Variants in PLEKHG2 observed in about 807,000 individuals in gnomAD.
PLEKHG2 encodes the protein pleckstrin homology domain-containing family G member 2.
In PLEKHG2, 71 loss-of-function variants were observed where a neutral mutation model predicts 104.4. That is an observed-to-expected ratio of 0.68 (90% CI 0.56 to 0.83). PLEKHG2 has a LOEUF of 0.83. PLEKHG2 is among the 40% of genes least tolerant of loss of function. The pLI, the probability that PLEKHG2 is intolerant of heterozygous loss-of-function variation, is 0.00. For synonymous variants in PLEKHG2, 728 were observed against 737.0 expected (o/e 0.99, Z 0.20); for missense variants, 1,730 against 1,809.4 (o/e 0.96, Z 0.80).
At position 39,413,851 on chromosome 19, in the gene PLEKHG2, C is replaced by T. The variant is rs2078558650; in HGVS notation, c.-22-214C>T. On this transcript the variant is annotated intron_variant, in intron 1 of 18. Coordinates refer to ENST00000425673, the MANE Select transcript of PLEKHG2 (RefSeq NM_022835.3). This position sits in a 1 kb window ranked among gnomAD's most constrained non-coding sequence, Gnocchi z 4.5. ...CGCAGCTTCTGCGCCTCCTGCTCCG[C>T]TCACTCTTCTTTGTCTCAGCCTTTC... is the stretch of plus-strand genomic sequence containing the variant. 1 of 387,812 alleles carries T rather than the reference C, an allele frequency of 2.6e-6. No homozygotes were observed. Among genetic ancestry groups the T allele is most frequent in the South Asian group, 3.0e-5 (1 of 33,212 alleles). 24.0% of individuals were successfully genotyped at this position (387,812 alleles called of 1,614,324 possible). A position where few individuals can be genotyped will look rare whatever the true frequency, so the allele number is the denominator to read the frequency against.
intron 11 of PLEKHG2, 80 bp from the exon 12 acceptor site, chr19:39,420,546 C>T: frequency 1.3e-6 from 2 of 1,583,268 alleles, no homozygotes; most frequent in Non-Finnish European, 1.7e-6. Context: ...CATTAATGGG[C>T]ATGACTACGG....
rs1429162441 is a variant in PLEKHG2 at position 39,418,783 on chromosome 19, A to G, written c.1133A>G (p.Lys378Arg). 1.9e-6 allele frequency: 3 copies of G among 1,613,000 alleles called. No homozygotes were observed. Among genetic ancestry groups the G allele is most frequent in the Non-Finnish European group, 2.5e-6 (3 of 1,179,332 alleles). ...AGTCCCCGAGACCCTCTAGGGTTCA[A>G]GGTGTCTGATCTGACCATTCCCAAG... ...SESPRDPLGF[K>R]VSDLTIPKHR... Residue 378 changes from lysine (K) to arginine (R), a missense_variant, in exon 10 of 19, where the codon AAG becomes AGG. Physicochemically the swap from Lys to Arg is conservative, Grantham distance 26. Coordinates refer to ENST00000425673, the MANE Select transcript of PLEKHG2 (RefSeq NM_022835.3).
At chr19:39,417,503 C>T (rs1382271412) in intron 7 of PLEKHG2, 52 bp from the exon 8 acceptor site, 4 of 1,594,616 alleles carry the variant, frequency 2.5e-6, no homozygotes, top group Non-Finnish European at 3.4e-6. Context: ...CATTCTCTTT[C>T]TCCTTCTCTG....
Position 39,415,563 on chromosome 19 carries a change from G to T in PLEKHG2, c.479+124G>T, listed in dbSNP as rs944848635. 1.8e-6 allele frequency: 2 copies of T among 1,106,674 alleles called. No individual in the cohort carries two copies. The highest frequency in any genetic ancestry group is 1.5e-5 in the South Asian group (1 of 66,568). 68.6% of individuals were successfully genotyped at this position (1,106,674 alleles called of 1,614,324 possible). A position where few individuals can be genotyped will look rare whatever the true frequency, so the allele number is the denominator to read the frequency against. On this transcript the variant is annotated intron_variant, in intron 4 of 18. Coordinates refer to ENST00000425673, the MANE Select transcript of PLEKHG2 (RefSeq NM_022835.3). This position sits in a 1 kb window ranked among gnomAD's most constrained non-coding sequence, Gnocchi z 4.6. ...ACGTGGGGTTGTGACATTGGGCAAG[G>T]ATCAGGGATCACGACTGGGAGGGAG...
rs560276949 is a variant in PLEKHG2 at position 39,415,770 on chromosome 19, C to T, written c.479+331C>T. Among the ~76,000 whole-genome samples, 8 of 152,118 alleles carry T rather than the reference C, an allele frequency of 5.3e-5. No homozygotes were observed. The highest frequency in any genetic ancestry group is 1.0e-4 in the Non-Finnish European group (7 of 68,018). On this transcript the variant is annotated intron_variant, in intron 4 of 18. Coordinates refer to ENST00000425673, the MANE Select transcript of PLEKHG2 (RefSeq NM_022835.3). The surrounding 1 kb of genome is among the most constrained non-coding windows in gnomAD (Gnocchi z 4.6). ...AAGCCCAAACACTGGGACAGGGTCC[C>T]GGCATCAGGACGAGTCCTTGGGGCT...
rs1375084360 is a variant in PLEKHG2, at chr19:39,413,227, T to C, written c.-208T>C. 1.3e-5 allele frequency: 2 copies of C among 152,178 alleles called. No homozygotes were observed. Among genetic ancestry groups the C allele is most frequent in the East Asian group, 3.9e-4 (2 of 5,182 alleles). The allele number at this position is 152,178 out of a possible 1,614,324, so 9.4% of individuals were successfully genotyped here. On this transcript the variant is annotated 5_prime_UTR_variant, in exon 1 of 19. Transcript: ENST00000425673. This position sits in a 1 kb window ranked among gnomAD's most constrained non-coding sequence, Gnocchi z 4.5. ...CAGAGTCGAGGCTCCTAGCATCCCC[T>C]ACGTAGAACACTGAGAAATTCCGAC...
In PLEKHG2 at chr19:39,425,655, C is replaced by G; in HGVS notation, c.*361C>G. The G allele has an allele frequency of 2.6e-6, 1 of 381,788 alleles. No individual in the cohort carries two copies. Among genetic ancestry groups the G allele is most frequent in the Non-Finnish European group, 4.6e-6 (1 of 216,256 alleles). The allele number at this position is 381,788 out of a possible 1,614,324, so 23.7% of individuals were successfully genotyped here. A position where few individuals can be genotyped will look rare whatever the true frequency, so the allele number is the denominator to read the frequency against. ...TGAGAATTATTGGAAAATGGACCCA[C>G]TATAACTTGGCGTGTGTGTGAACTG... is the stretch of plus-strand genomic sequence containing the variant. On this transcript the variant is annotated 3_prime_UTR_variant, in exon 19 of 19. Coordinates refer to ENST00000425673, the MANE Select transcript of PLEKHG2 (RefSeq NM_022835.3).
chr19:39,417,529 C>T, intron 7 of PLEKHG2, 26 bp from the exon 8 acceptor site: 6 of 1,611,966 alleles, frequency 3.7e-6, no homozygotes, highest in Middle Eastern at 1.7e-4. Context: ...CTCCCCATCC[C>T]TGCGTGCCTG....
rs777528252 is a variant in PLEKHG2, at chr19:39,422,988, C to T, written c.1934C>T (p.Pro645Leu). 1.9e-6 allele frequency: 3 copies of T among 1,614,220 alleles called. No individual in the cohort carries two copies. In the South Asian group the frequency reaches 3.3e-5, roughly 18 times the overall value. The change falls in exon 18 of 19, where the codon CCC becomes CTC. Residue 645 changes from proline to leucine, a missense_variant. Transcript: ENST00000425673. ...GACGTGCCCAACCTTCCTGAAATTC[C>T]CAGCCGCTGTGAAATTCCCGAAGGT... ...IPDVPNLPEI[P>L]SRCEIPEGSR... is the part of the protein sequence containing the mutation.
At chr19:39,421,981 C>T (rs1057149280) in intron 16 of PLEKHG2, 134 bp from the exon 17 acceptor site, 20 of 908,378 alleles carry the variant, frequency 2.2e-5, no homozygotes, top group Non-Finnish European at 3.1e-6. Flanking sequence ...GGCGCCATTG[C>T]ACTGCAGGCT....
At position 39,416,411 on chromosome 19, in the gene PLEKHG2, G is replaced by A. The variant is rs2078604695; in HGVS notation, c.543G>A (p.Gln181=). ...GGGGTATTGCCGAGTGCTTCGTGCA[G>A]AGGGTGAGTGGAGGGGTGGGGGGCT... ...SAGGIAECFV[Q]RSEDFDIYTL... is the part of the protein sequence containing the mutation. The change falls in exon 5 of 19, where the codon CAG becomes CAA. Residue 181 remains glutamine (Q), a synonymous_variant. Transcript: ENST00000425673. The surrounding 1 kb of genome is among the most constrained non-coding windows in gnomAD (Gnocchi z 4.5). The A allele has an allele frequency of 5.0e-6, 8 of 1,613,320 alleles. No individual in the cohort carries two copies. The highest frequency in any genetic ancestry group is 6.8e-6 in the Non-Finnish European group (8 of 1,179,796).
Position 39,424,159 on chromosome 19 carries a change from G to C in PLEKHG2, c.3026G>C (p.Gly1009Ala). 4 of 1,614,112 alleles carry C rather than the reference G, an allele frequency of 2.5e-6. No individual in the cohort carries two copies. Among genetic ancestry groups the C allele is most frequent in the Non-Finnish European group, 3.4e-6 (4 of 1,180,032 alleles). The stretch of plus-strand genomic sequence containing the variant: ...TCCACCGCCTTTTGTCCTGAGCAGG[G>C]ACACTGTGCGGACATCCACGTTCCC... ...APSTAFCPEQ[G>A]HCADIHVPTT... The change falls in exon 19 of 19, where the codon GGA becomes GCA. Residue 1009 changes from glycine (G) to alanine (A), a missense_variant. Coordinates refer to ENST00000425673, the MANE Select transcript of PLEKHG2 (RefSeq NM_022835.3).
chr19:39,419,151 T>C (rs565660852), intron 11 of PLEKHG2, 148 bp downstream of exon 11: 1 of 719,474 alleles, frequency 1.4e-6, no homozygotes, highest in Admixed American at 3.5e-5. Flanking sequence ...GGTTTGAATC[T>C]TAGCTCTACC....
In PLEKHG2 at chr19:39,419,004, G is replaced by C. The variant is rs2078654887; in HGVS notation, c.1263+1G>C. ...CCACCCTGCCTCCATCCCTGCCAAG[G>C]TACAGCTCCTGCCGCAGCCGGGGGC... On this transcript the variant is annotated splice_donor_variant, in intron 11 of 18. Transcript: ENST00000425673. LOFTEE classifies it high-confidence loss of function. 1 of 1,608,704 alleles carries C rather than the reference G, an allele frequency of 6.2e-7. No homozygotes were observed. Among genetic ancestry groups the C allele is most frequent in the South Asian group, 1.1e-5 (1 of 90,762 alleles).
Position 39,425,721 on chromosome 19 carries a change from T to C in PLEKHG2, c.*427T>C. On this transcript the variant is annotated 3_prime_UTR_variant, in exon 19 of 19. Coordinates refer to ENST00000425673, the MANE Select transcript of PLEKHG2 (RefSeq NM_022835.3). ...GGAAAGCCAAGTTAAGAAGCTTTGC[T>C]TCAAGTAGACACTAGAAATCCATTC... 1 of 259,928 alleles carries C rather than the reference T, an allele frequency of 3.8e-6. No homozygotes were observed. The allele number at this position is 259,928 out of a possible 1,614,324, so 16.1% of individuals were successfully genotyped here.
rs763781158 is a variant in PLEKHG2 at position 39,423,986 on chromosome 19, C to T, written c.2853C>T (p.Ala951=). 5.1e-5 allele frequency: 83 copies of T among 1,614,030 alleles called. No homozygotes were observed. Among genetic ancestry groups the T allele is most frequent in the Middle Eastern group, 1.6e-4 (1 of 6,084 alleles). Residue 951 remains alanine, a synonymous_variant, in exon 19 of 19, where the codon GCC becomes GCT. Coordinates refer to ENST00000425673, the MANE Select transcript of PLEKHG2 (RefSeq NM_022835.3). The part of the protein sequence containing the change: ...QGGSRHVQAP[A]ATPLPKQEGP... ...GTTCCCGGCATGTCCAGGCTCCAGCCGCCACACCTTTGCCCAAGCAAGAAG... is the reference window on the plus strand; with the variant it reads ...GTTCCCGGCATGTCCAGGCTCCAGCTGCCACACCTTTGCCCAAGCAAGAAG...
At chr19:39,417,462 A>G in intron 7 of PLEKHG2, 93 bp from the exon 8 acceptor site, 1 of 1,484,324 alleles carries the variant, frequency 6.7e-7, no homozygotes, top group Non-Finnish European at 9.0e-7. Flanking sequence ...CTCTGCCCCT[A>G]TCTTTATATT....
rs769424377 is a variant in PLEKHG2 at position 39,424,376 on chromosome 19, T to C, written c.3243T>C (p.His1081=). 5.6e-6 allele frequency: 9 copies of C among 1,613,980 alleles called. No homozygotes were observed. The East Asian group carries it at 1.1e-4, about 20-fold the overall frequency. ...CSQPIQPLSW[H]GSSLDPQGPG... The stretch of plus-strand genomic sequence containing the variant: ...AACCCATCCAGCCTTTGTCTTGGCA[T>C]GGAAGCAGCCTGGATCCCCAGGGCC... Residue 1081 remains histidine, a synonymous_variant, in exon 19 of 19, where the codon CAT becomes CAC. Coordinates refer to ENST00000425673, the MANE Select transcript of PLEKHG2 (RefSeq NM_022835.3).
chr19:39,416,670 C>T lies in PLEKHG2; in HGVS notation c.593+73C>T, dbSNP rs1290054523. 4.4e-6 allele frequency: 7 copies of T among 1,579,374 alleles called. No individual in the cohort carries two copies. Among genetic ancestry groups the T allele is most frequent in the East Asian group, 2.2e-5 (1 of 44,738 alleles). Reference sequence around the variant, plus strand: ...GATGTGCCAGTCACCCGTCACCCTCCCTCTACCCCCGACCCATCCAGCACC... The same window carrying T: ...GATGTGCCAGTCACCCGTCACCCTCTCTCTACCCCCGACCCATCCAGCACC... On this transcript the variant is annotated intron_variant, in intron 6 of 18. Transcript: ENST00000425673. The surrounding 1 kb of genome is among the most constrained non-coding windows in gnomAD (Gnocchi z 4.5).
Sources: gnomAD v4.1 joint callset for allele counts (sites outside exome capture counted in the v4.1 genomes callset) on GRCh38, gnomAD v4.1.1 for gene constraint, Gnocchi (gnomAD v3.1) non-coding constraint, MANE v1.5 for transcripts, NCBI Gene and HGNC (gene_info 2026-07-23, HGNC 2026-07-21) for gene names.